Variants in GPR137 observed in about 807,000 individuals in gnomAD.
The protein encoded by GPR137 is G protein-coupled receptor 137, also known as integral membrane protein GPR137.
In GPR137, 20 loss-of-function variants were observed where a neutral mutation model predicts 38.9. The ratio of observed to expected loss-of-function variants is 0.51; its 90% CI spans 0.36 to 0.75. The LOEUF is 0.75. Ranked by LOEUF, GPR137 falls within the 30% of genes least tolerant of loss-of-function variation. GPR137 has a pLI of 0.00. For synonymous variants in GPR137, 226 were observed against 235.8 expected, an observed-to-expected ratio of 0.96 and a Z score of 0.38; for missense variants, 456 against 526.4, an observed-to-expected ratio of 0.87 and a Z score of 1.31.
At chr11:64,287,457 G>A (rs2034223025) in intron 2 of GPR137, 1 of 603,632 alleles carries the variant, frequency 1.7e-6, no homozygotes, top group Admixed American at 6.3e-5. Flanking sequence ...GGCCCAGCCA[G>A]GTAAGACAGC....
chr11:64,285,767 G>A, upstream of GPR137: 1 of 985,324 alleles, frequency 1.0e-6, no homozygotes, highest in Non-Finnish European at 1.2e-6. Context: ...CGGGTGCGGC[G>A]CTGGACTGCG....
chr11:64,270,875 C>T (rs183223034), upstream of GPR137, among the ~76,000 whole-genome samples: 76 of 145,590 alleles, frequency 5.2e-4, no homozygotes, highest in East Asian at 0.015. Context: ...GGGATCTAGA[C>T]TACAGATCCC....
intron 1 of GPR137, chr11:64,276,242 TTATA>T (rs528019407): frequency 6.6e-6 from 1 of 151,908 alleles, no homozygotes; most frequent in East Asian, 1.9e-4. Context: ...GTAAATTGAA[TTATA>T]TATATGTAAA....
chr11:64,271,538 G>A (rs2135091013), upstream of GPR137: 1 of 1,335,710 alleles, frequency 7.5e-7, no homozygotes, highest in Non-Finnish European at 9.6e-7. Context: ...GGCGTGCCTT[G>A]GGACAAGGCA....
At chr11:64,287,062 G>T (rs1266678005) in intron 2 of GPR137, 48 bp downstream of exon 2, 3 of 1,596,746 alleles carry the variant, frequency 1.9e-6, no homozygotes, top group Non-Finnish European at 2.6e-6. Flanking sequence ...TCAGGGGCAG[G>T]TGACAGTCCC....
At chr11:64,284,624 G>C, upstream of GPR137, 2 of 1,521,922 alleles carry the variant, frequency 1.3e-6, no homozygotes, top group Non-Finnish European at 1.8e-6. Context: ...CGGCGCACAG[G>C]TCTCACCCCA....
chr11:64,287,301 A>G, intron 2 of GPR137: 1 of 985,378 alleles, frequency 1.0e-6, no homozygotes, highest in Non-Finnish European at 1.2e-6. Context: ...CACCAAAGCC[A>G]TATGCACTCC....
chr11:64,271,736 C>A, upstream of GPR137: 2 of 1,448,232 alleles, frequency 1.4e-6, no homozygotes, highest in Non-Finnish European at 1.8e-6. Flanking sequence ...CCTCCCCCAT[C>A]CCTTCGTCGT....
chr11:64,272,136 T>TG (rs1350124903), upstream of GPR137, among the ~76,000 whole-genome samples: 1 of 152,114 alleles, frequency 6.6e-6, no homozygotes, highest in Non-Finnish European at 1.5e-5. Context: ...CTGGCCAACA[T>TG]GGTGAAACCC....
At chr11:64,278,341 C>T (rs1299942891) in intron 2 of GPR137, among the ~76,000 whole-genome samples, 2 of 149,572 alleles carry the variant, frequency 1.3e-5, no homozygotes, top group African/African-American at 4.9e-5. Context: ...CCAGCCTGGG[C>T]GACAGAGTGA....
Position 64,286,764 on chromosome 11 carries a change from C to T in GPR137, c.240C>T (p.Tyr80=), listed in dbSNP as rs776712974. The T allele has an allele frequency of 1.6e-5, 26 of 1,612,060 alleles. No individual in the cohort carries two copies. The highest frequency in any genetic ancestry group is 2.0e-5 in the Non-Finnish European group (24 of 1,178,762). The change falls in exon 1 of 7, where the codon TAC becomes TAT. Residue 80 remains tyrosine (Y), a synonymous_variant. Transcript: ENST00000438980. ...AALRTTLFSF[Y]FRDTPRANRL... The stretch of plus-strand genomic sequence containing the variant: ...TGCGTACCACCCTCTTCTCCTTCTA[C>T]TTCCGAGATACTCCCCGCGCCAACC...
intron 1 of GPR137, chr11:64,276,263 T>C (rs2033043390): frequency 1.3e-5 from 2 of 151,534 alleles, no homozygotes; most frequent in South Asian, 2.1e-4. Context: ...TAAATACAAA[T>C]ATACATATAT....
intron 2 of GPR137, 76 bp downstream of exon 2, chr11:64,287,090 C>T: frequency 5.2e-6 from 8 of 1,548,622 alleles, no homozygotes; most frequent in Non-Finnish European, 7.0e-6. Context: ...TCCCTTCCCA[C>T]CTCTCAGGGC....
At chr11:64,282,695 C>T (rs578003381), upstream of GPR137, among the ~76,000 whole-genome samples, 21 of 151,880 alleles carry the variant, frequency 1.4e-4, no homozygotes, top group African/African-American at 5.1e-4. Context: ...CTGGCTAACA[C>T]GGTGAAACCC....
At chr11:64,279,539 G>A (rs2033290382), upstream of GPR137, among the ~76,000 whole-genome samples, 2 of 152,070 alleles carry the variant, frequency 1.3e-5, no homozygotes, top group South Asian at 4.1e-4. Context: ...GGCTGAGGCG[G>A]GTGGATCACG....
At chr11:64,284,145 G>T, upstream of GPR137, 1 of 1,534,488 alleles carries the variant, frequency 6.5e-7, no homozygotes, top group South Asian at 1.2e-5. Flanking sequence ...GGCTGGGGGT[G>T]AGGTGTCCCG....
In GPR137 at chr11:64,286,541, C is replaced by CCTGGTTACCA; in HGVS notation, c.17_18insCTGGTTACCA (p.Gly7TrpfsTer202). On this transcript the variant is annotated frameshift_variant, in exon 1 of 7. Transcript: ENST00000438980. LOFTEE classifies it high-confidence loss of function. ...CTCCCTGACATGGAGAGTAACCTGT[C>CCTGGTTACCA]TGGCCTGGTGCCTGCTGCCGGGCTG... 1.9e-6 allele frequency: 3 copies of CCTGGTTACCA among 1,612,442 alleles called. No homozygotes were observed. The highest frequency in any genetic ancestry group is 2.5e-6 in the Non-Finnish European group (3 of 1,179,190).
At chr11:64,280,477 G>A (rs1392818538), upstream of GPR137, among the ~76,000 whole-genome samples, 4 of 137,640 alleles carry the variant, frequency 2.9e-5, no homozygotes, top group South Asian at 2.5e-4. Flanking sequence ...TCAGCCTCCC[G>A]AGTAGCTGGG....
chr11:64,284,248 C>T (rs367948500), upstream of GPR137: 24 of 1,610,744 alleles, frequency 1.5e-5, no homozygotes, highest in African/African-American at 4.0e-5. Context: ...AGGCCTGGGG[C>T]CTGGCGATGA....
Sources: allele counts gnomAD v4.1 joint callset (sites outside exome capture counted in the v4.1 genomes callset), GRCh38; gene constraint gnomAD v4.1.1; transcripts MANE v1.5; gene names NCBI Gene and HGNC (gene_info 2026-07-23, HGNC 2026-07-21).